The following DCC variants were observed in gnomAD, a reference collection of about 807,000 sequenced individuals.
DCC encodes DCC netrin 1 receptor.
DCC carries 58 observed loss-of-function variants against 172.5 expected under a neutral mutation model. The ratio of observed to expected loss-of-function variants is 0.34; its 90% confidence interval spans 0.27 to 0.42. The LOEUF (loss-of-function observed/expected upper bound fraction) is 0.42, where lower values mean the gene tolerates loss of function less well. DCC is among the 10% of genes least tolerant of loss of function. The probability of loss-of-function intolerance (pLI) is 1.00; values close to 1 mark genes in which losing one functional copy is unlikely to be tolerated. For synonymous variants in DCC, 709 were observed against 644.5 expected (o/e 1.10, Z -1.52); for missense variants, 1,740 against 1,791.0 (o/e 0.97, Z 0.51).
chr18:53,483,838 G>T (rs539706357), intron 25 of DCC, among the ~76,000 whole-genome samples: 9 of 151,902 alleles, frequency 5.9e-5, no homozygotes, highest in African/African-American at 2.2e-4. Flanking sequence ...TTAATGACAT[G>T]AATGGGGCTT....
At chr18:53,011,758 T>C (rs2041734126) in intron 5 of DCC, among the ~76,000 whole-genome samples, 1 of 148,224 alleles carries the variant, frequency 6.7e-6, no homozygotes, top group Non-Finnish European at 1.5e-5. Flanking sequence ...ATTTTTTTTT[T>C]CTACCAACGT....
intron 21 of DCC, among the ~76,000 whole-genome samples, chr18:53,425,472 G>A (rs1910872123): frequency 6.8e-6 from 1 of 148,132 alleles, no homozygotes; most frequent in African/African-American, 2.5e-5. Flanking sequence ...CGATTCTCCT[G>A]CCCCAGCCTC....
Position 52,858,661 on chromosome 18 carries a change from A to C in DCC, c.413-47383A>C, listed in dbSNP as rs565404810. On this transcript the variant is annotated intron_variant, in intron 2 of 28. Transcript: ENST00000442544. ...GAAGCCAACCTGTAATTAAATAGCCATGTGGAAAACCATGCTGGAAAAGGC... is the reference window on the plus strand; with the variant it reads ...GAAGCCAACCTGTAATTAAATAGCCCTGTGGAAAACCATGCTGGAAAAGGC... 2.6e-5 allele frequency among the ~76,000 whole-genome samples: 4 copies of C among 152,318 alleles called. No individual in the cohort carries two copies. In the East Asian group the frequency reaches 7.7e-4, roughly 29 times the overall value.
At chr18:52,952,214 T>C (rs886379221) in intron 5 of DCC, among the ~76,000 whole-genome samples, 1 of 152,206 alleles carries the variant, frequency 6.6e-6, no homozygotes, top group African/African-American at 2.4e-5. Context: ...TATTTTAATG[T>C]TTTCTTTTTC....
intron 1 of DCC, among the ~76,000 whole-genome samples, chr18:52,548,518 G>A (rs1013964037): frequency 7.9e-5 from 12 of 152,054 alleles, no homozygotes; most frequent in African/African-American, 2.4e-5. Context: ...TCAGTTCTAG[G>A]CTGGTTATAT....
intron 5 of DCC, among the ~76,000 whole-genome samples, chr18:53,047,903 ATG>A (rs35014270): frequency 0.13 from 19,362 of 146,336 alleles, 1,729 homozygotes; most frequent in East Asian, 0.37. Flanking sequence ...TTCCTTCGAG[ATG>A]TGTGTGTGTG....
chr18:52,763,452 G>C (rs2037194201), intron 2 of DCC, among the ~76,000 whole-genome samples: 1 of 152,128 alleles, frequency 6.6e-6, no homozygotes, highest in Non-Finnish European at 1.5e-5. Flanking sequence ...CAGTGCATTG[G>C]GCACTCCATG....
rs1354565926 is a variant in DCC at position 53,407,513 on chromosome 18, G to C, written c.2936-2939G>C. Among the ~76,000 whole-genome samples, 11 of 108,352 alleles carry C rather than the reference G, an allele frequency of 1.0e-4. No individual in the cohort carries two copies. In the East Asian group the frequency reaches 3.7e-3, roughly 36 times the overall value. The allele number at this position is 108,352 out of a possible 152,430, so 71.1% of individuals were successfully genotyped here. On this transcript the variant is annotated intron_variant, in intron 19 of 28. Coordinates refer to ENST00000442544, the MANE Select transcript of DCC (RefSeq NM_005215.4). ...ATTTAGCTGCATATATATATCTCCA[G>C]TGATTTTTATTCTGGATATATATAT...
At chr18:53,091,326 AAT>A (rs962628245) in intron 7 of DCC, among the ~76,000 whole-genome samples, 6 of 147,338 alleles carry the variant, frequency 4.1e-5, no homozygotes, top group Non-Finnish European at 6.0e-5. Context: ...CGTTCTACCA[AAT>A]ATATATATAT....
At chr18:53,492,277 T>A (rs1304965988) in intron 26 of DCC, among the ~76,000 whole-genome samples, 1 of 152,208 alleles carries the variant, frequency 6.6e-6, no homozygotes, top group Non-Finnish European at 1.5e-5. Flanking sequence ...TTCACTCTGA[T>A]GATAGCTTTT....
intron 1 of DCC, among the ~76,000 whole-genome samples, chr18:52,608,738 C>T (rs2034188688): frequency 6.6e-6 from 1 of 152,162 alleles, no homozygotes; most frequent in African/African-American, 2.4e-5. Flanking sequence ...CACTTTTATC[C>T]TTAAACCTTG....
chr18:52,500,332 T>A (rs988527808), intron 1 of DCC, among the ~76,000 whole-genome samples: 5 of 152,186 alleles, frequency 3.3e-5, no homozygotes, highest in Non-Finnish European at 5.9e-5. Flanking sequence ...AGAAACACTT[T>A]GAGCAGAGCT....
At chr18:52,550,434 G>T (rs1228477) in intron 1 of DCC, among the ~76,000 whole-genome samples, 36,623 of 152,022 alleles carry the variant, frequency 0.24, 4,530 homozygotes, top group African/African-American at 0.29. Flanking sequence ...ATCTGTATGT[G>T]TTCTATTTGA....
intron 26 of DCC, among the ~76,000 whole-genome samples, chr18:53,495,306 G>T (rs2046006317): frequency 6.7e-6 from 1 of 149,262 alleles, no homozygotes; most frequent in Non-Finnish European, 1.5e-5. Context: ...GCAGAGAATT[G>T]CTTGAACCTG....
At chr18:53,250,815 C>T (rs1038514936) in intron 12 of DCC, among the ~76,000 whole-genome samples, 1 of 151,932 alleles carries the variant, frequency 6.6e-6, no homozygotes, top group East Asian at 1.9e-4. Flanking sequence ...AAAATGTTAC[C>T]CATGTTCAGG....
intron 15 of DCC, among the ~76,000 whole-genome samples, chr18:53,382,952 T>C (rs17413886): frequency 0.44 from 66,711 of 151,910 alleles, 16,044 homozygotes; most frequent in Non-Finnish European, 0.55. Flanking sequence ...CAGAGATAAA[T>C]ACACTCATTT....
chr18:53,254,286 G>C (rs2056477325), intron 12 of DCC, among the ~76,000 whole-genome samples: 1 of 152,036 alleles, frequency 6.6e-6, no homozygotes, highest in Admixed American at 6.6e-5. Flanking sequence ...CAGCACACTT[G>C]AAAGAAGATA....
intron 2 of DCC, among the ~76,000 whole-genome samples, chr18:52,780,578 C>T (rs1411467675): frequency 6.6e-6 from 1 of 152,026 alleles, no homozygotes; most frequent in Non-Finnish European, 1.5e-5. Context: ...TATATTTATG[C>T]TTACGTTTGA....
At chr18:53,231,669 G>C (rs537404550) in intron 12 of DCC, among the ~76,000 whole-genome samples, 2 of 152,136 alleles carry the variant, frequency 1.3e-5, no homozygotes, top group African/African-American at 4.8e-5. Flanking sequence ...ATATTTAAGG[G>C]AGTATTAATT....
Sources: gnomAD v4.1 joint callset for allele counts (sites outside exome capture counted in the v4.1 genomes callset) on GRCh38, gnomAD v4.1.1 for gene constraint, MANE v1.5 for transcripts, NCBI Gene and HGNC (gene_info 2026-07-23, HGNC 2026-07-21) for gene names.